IL5RA: variants seen among roughly 807,000 people sequenced by gnomAD.
IL5RA encodes interleukin-5 receptor subunit alpha.
A neutral mutation model predicts 50.0 loss-of-function variants in IL5RA; 49 were observed. The observed-to-expected ratio is 0.98, with a 90% CI of 0.78 to 1.24. The LOEUF (loss-of-function observed/expected upper bound fraction) is 1.24, where lower values mean the gene tolerates loss of function less well. Among genes scored for constraint, IL5RA ranks in the 50% most tolerant of loss-of-function variants. The probability of loss-of-function intolerance (pLI) is 0.00; values close to 1 mark genes in which losing one functional copy is unlikely to be tolerated. For missense variants in IL5RA, 600 were observed against 500.4 expected, an observed-to-expected ratio of 1.20 and a Z score of -1.90; for synonymous variants, 202 against 174.0, an observed-to-expected ratio of 1.16 and a Z score of -1.26.
At chr3:3,071,675 C>T (rs1046067745) in intron 11 of IL5RA, among the ~76,000 whole-genome samples, 8 of 151,446 alleles carry the variant, frequency 5.3e-5, no homozygotes, top group African/African-American at 1.7e-4. Flanking sequence ...CTGCAACCTC[C>T]GCCTCCTGGG....
At position 3,108,605 on chromosome 3, in the gene IL5RA, C is replaced by G. The variant is rs1046334464; in HGVS notation, c.-59G>C. 5 of 152,240 alleles carry G rather than the reference C, an allele frequency of 3.3e-5. No individual in the cohort carries two copies. The highest frequency in any genetic ancestry group is 7.3e-5 in the Non-Finnish European group (5 of 68,058). The allele number at this position is 152,240 out of a possible 1,614,324, so 9.4% of individuals were successfully genotyped here. On this transcript the variant is annotated 5_prime_UTR_variant, in exon 2 of 12. Transcript: ENST00000446632. The stretch of plus-strand genomic sequence containing the variant: ...AGTACTCAACAGAAGATGGCGAGGA[C>G]CGTGTCTGTCGTGTCTATGCTCGTG...
chr3:3,090,306 G>A, intron 9 of IL5RA: 2 of 1,314,656 alleles, frequency 1.5e-6, no homozygotes, highest in African/African-American at 3.0e-5. Context: ...ATCAATCCTT[G>A]TAAAGGCTGA....
rs1461575005 is a variant in IL5RA at position 3,068,417 on chromosome 3, A to T, written c.*1808T>A. ...CAAAACCCCAGCTTTACAAAAAAAA[A>T]TACAAAAAAGAGCTGGGAATGGTGT... is the stretch of plus-strand genomic sequence containing the variant. On this transcript the variant is annotated 3_prime_UTR_variant, in exon 12 of 12. Coordinates refer to ENST00000446632, the MANE Select transcript of IL5RA (RefSeq NM_175726.4). 6.6e-6 allele frequency: 1 copy of T among 151,606 alleles called. No individual in the cohort carries two copies. The highest frequency in any genetic ancestry group is 1.5e-5 in the Non-Finnish European group (1 of 68,020). The allele number at this position is 151,606 out of a possible 1,614,324, so 9.4% of individuals were successfully genotyped here. A position where few individuals can be genotyped will look rare whatever the true frequency, so the allele number is the denominator to read the frequency against.
chr3:3,084,768 C>T (rs2125963294), intron 9 of IL5RA, among the ~76,000 whole-genome samples: 1 of 152,378 alleles, frequency 6.6e-6, no homozygotes, highest in East Asian at 1.9e-4. Context: ...GTGTAGCTTC[C>T]AGCAGTTCCT....
intron 9 of IL5RA, among the ~76,000 whole-genome samples, chr3:3,077,383 T>C (rs1702523103): frequency 6.6e-6 from 1 of 152,232 alleles, no homozygotes. Context: ...AAACGTGCCG[T>C]GTTGGTGTGC....
At chr3:3,074,151 G>A (rs953394245) in intron 11 of IL5RA, among the ~76,000 whole-genome samples, 10 of 152,190 alleles carry the variant, frequency 6.6e-5, no homozygotes, top group African/African-American at 2.4e-4. Context: ...CTAAGAAAAT[G>A]CATATTGGGT....
intron 11 of IL5RA, among the ~76,000 whole-genome samples, chr3:3,071,803 T>C (rs1299831933): frequency 1.3e-5 from 2 of 152,182 alleles, no homozygotes; most frequent in Admixed American, 6.5e-5. Context: ...TTGGCCAGGC[T>C]GGTTTCAAAC....
intron 9 of IL5RA, chr3:3,090,070 T>C: frequency 1.3e-6 from 1 of 761,030 alleles, no homozygotes. Context: ...AGAACAGAGT[T>C]AAGCCAATTA....
chr3:3,075,676 C>G (rs1702453727), intron 10 of IL5RA, among the ~76,000 whole-genome samples: 1 of 151,712 alleles, frequency 6.6e-6, no homozygotes, highest in African/African-American at 2.4e-5. Flanking sequence ...TCTTGGCTCA[C>G]TATAGCCTCC....
At chr3:3,089,642 ATG>A (rs1266251355) in intron 9 of IL5RA, among the ~76,000 whole-genome samples, 1 of 151,004 alleles carries the variant, frequency 6.6e-6, no homozygotes, top group Non-Finnish European at 1.5e-5. Flanking sequence ...GGCTACCAAG[ATG>A]TCTTTTTTTT....
At chr3:3,083,218 T>G (rs1045932293) in intron 9 of IL5RA, among the ~76,000 whole-genome samples, 3 of 152,016 alleles carry the variant, frequency 2.0e-5, no homozygotes, top group African/African-American at 7.2e-5. Flanking sequence ...TTTGGGTGAG[T>G]GAGCTTTCAA....
chr3:3,074,751 T>C, intron 11 of IL5RA, 31 bp downstream of exon 11: 1 of 1,307,604 alleles, frequency 7.6e-7, no homozygotes, highest in Non-Finnish European at 1.1e-6. Flanking sequence ...CCTGGACACA[T>C]ACGGCATATC....
intron 9 of IL5RA, among the ~76,000 whole-genome samples, chr3:3,086,649 A>G (rs1702873530): frequency 2.6e-5 from 4 of 151,110 alleles, no homozygotes; most frequent in Admixed American, 1.3e-4. Context: ...CCTGGGCAAC[A>G]TAGTGAGACC....
chr3:3,086,863 C>G (rs368094565), intron 9 of IL5RA, among the ~76,000 whole-genome samples: 24 of 152,242 alleles, frequency 1.6e-4, no homozygotes, highest in African/African-American at 5.5e-4. Context: ...TAAACATACA[C>G]AATGAAATAC....
chr3:3,085,140 T>C (rs529908611), intron 9 of IL5RA, among the ~76,000 whole-genome samples: 1 of 152,348 alleles, frequency 6.6e-6, no homozygotes, highest in South Asian at 2.1e-4. Flanking sequence ...CTAACCAGCC[T>C]GGACAAAAGG....
intron 9 of IL5RA, chr3:3,089,937 A>T (rs1418791621): frequency 6.3e-6 from 2 of 317,940 alleles, no homozygotes; most frequent in East Asian, 7.5e-5. Context: ...ATAAGACTTT[A>T]ATCTACCCAG....
chr3:3,101,779 A>C lies in IL5RA; in HGVS notation c.280T>G (p.Phe94Val). The C allele has an allele frequency of 6.2e-7, 1 of 1,614,162 alleles. No homozygotes were observed. Residue 94 changes from phenylalanine (F) to valine (V), a missense_variant, in exon 5 of 12, where the codon TTT (phenylalanine) becomes GTT (valine). Transcript: ENST00000446632. ...AGGATGGTCCGCACACTTGCTGAAA[A>C]GCCTTTGTGGAGGATGGTTACACAT... ...SKCVTILHKGFSASVRTILQN... is the reference protein window; with the variant it reads ...SKCVTILHKGVSASVRTILQN...
chr3:3,084,295 C>T (rs1341528884), intron 9 of IL5RA, among the ~76,000 whole-genome samples: 1 of 152,110 alleles, frequency 6.6e-6, no homozygotes, highest in African/African-American at 2.4e-5. Context: ...AAGATAATTT[C>T]CCTTTCATCA....
chr3:3,102,975 A>G (rs565928814), intron 3 of IL5RA, 155 bp from the exon 4 acceptor site: 56 of 539,854 alleles, frequency 1.0e-4, no homozygotes, highest in African/African-American at 9.3e-4. Context: ...ACACCGGGGC[A>G]AAGAGAAAGT....
Sources: gnomAD v4.1 joint callset for allele counts (sites outside exome capture counted in the v4.1 genomes callset) on GRCh38, gnomAD v4.1.1 for gene constraint, MANE v1.5 for transcripts, NCBI Gene and HGNC (gene_info 2026-07-23, HGNC 2026-07-21) for gene names.